The following TLE3 variants were observed in gnomAD, a reference collection of about 807,000 sequenced individuals.
TLE3 encodes TLE family member 3, transcriptional corepressor.
In TLE3, 14 loss-of-function variants were observed where a neutral mutation model predicts 93.0. That is an observed-to-expected ratio of 0.15 (90% CI 0.10 to 0.24). The LOEUF (loss-of-function observed/expected upper bound fraction) is 0.24, where lower values mean the gene tolerates loss of function less well. Among genes scored for constraint, TLE3 ranks in the 10% least tolerant of loss-of-function variants. TLE3 has a pLI of 1.00. For missense variants in TLE3, 693 were observed against 1,046.6 expected (o/e 0.66, Z 4.66); for synonymous variants, 451 against 425.0 (o/e 1.06, Z -0.75).
rs757857617 is a variant in TLE3, at chr15:70,058,813, G to A, written c.768C>T (p.Asp256=). ...DDLVVDVSNE[D]PATPRVSPAH... ...CCGGGCTGACCCGGGGCGTTGCGGG[G>A]TCCTGAAAACACAAGTGATGCAGAG... Residue 256 remains aspartate, a splice_region_variant and synonymous_variant, in exon 11 of 20, where the codon GAC becomes GAT. Transcript: ENST00000451782. The surrounding 1 kb of genome is among the most constrained non-coding windows in gnomAD (Gnocchi z 4.1). 5.1e-6 allele frequency: 8 copies of A among 1,573,290 alleles called. No individual in the cohort carries two copies. Among genetic ancestry groups the A allele is most frequent in the Admixed American group, 3.7e-5 (2 of 53,576 alleles).
intron 4 of TLE3, among the ~76,000 whole-genome samples, chr15:70,082,895 C>T (rs937229635): frequency 1.5e-4 from 23 of 152,174 alleles, no homozygotes; most frequent in African/African-American, 5.1e-4. Flanking sequence ...GGGGTTGGGA[C>T]GACCCTTCTG....
At chr15:70,083,955 G>T (rs930933976) in intron 4 of TLE3, among the ~76,000 whole-genome samples, 5 of 152,186 alleles carry the variant, frequency 3.3e-5, no homozygotes, top group African/African-American at 7.2e-5. Context: ...AAAATAAAAA[G>T]GGTTAGAGGG....
Position 70,048,431 on chromosome 15 carries a change from G to A in TLE3, c.*1666C>T, listed in dbSNP as rs556093838. The A allele has an allele frequency of 1.3e-5, 2 of 152,004 alleles. No individual in the cohort carries two copies. Among genetic ancestry groups the A allele is most frequent in the South Asian group, 2.1e-4 (1 of 4,822 alleles). The allele number at this position is 152,004 out of a possible 1,614,324, so 9.4% of individuals were successfully genotyped here. A position where few individuals can be genotyped will look rare whatever the true frequency, so the allele number is the denominator to read the frequency against. ...TCGCCAGCCTCCACATCCCATGCCC[G>A]GTGCGCTCAGCTGGGGAGCAACCTC... On this transcript the variant is annotated 3_prime_UTR_variant, in exon 20 of 20. Coordinates refer to ENST00000451782, the MANE Select transcript of TLE3 (RefSeq NM_001105192.3).
intron 16 of TLE3, chr15:70,054,133 TCTCTGGGG>T: frequency 3.4e-6 from 1 of 291,786 alleles, no homozygotes; most frequent in Admixed American, 4.8e-5. Context: ...CCTAATCTGG[TCTCTGGGG>T]CTCTGCTCCC....
intron 8 of TLE3, among the ~76,000 whole-genome samples, chr15:70,062,259 T>C (rs2056531300): frequency 6.6e-6 from 1 of 152,242 alleles, no homozygotes; most frequent in Non-Finnish European, 1.5e-5. Flanking sequence ...AATTAGCTGC[T>C]GCAATCGCCG....
chr15:70,073,243 T>C (rs557158159), intron 6 of TLE3, among the ~76,000 whole-genome samples: 21 of 152,226 alleles, frequency 1.4e-4, no homozygotes, highest in African/African-American at 4.3e-4. Flanking sequence ...CCGGTGTACG[T>C]TCTCCCTTTA....
rs200517303 is a variant in TLE3, at chr15:70,055,256, G to A, written c.1371C>T (p.Pro457=). 66 of 1,607,042 alleles carry A rather than the reference G, an allele frequency of 4.1e-5. No individual in the cohort carries two copies. In the African/African-American group the frequency reaches 6.1e-4, roughly 15 times the overall value. Reference sequence around the variant, plus strand: ...CCAGGGCGTCGTGGGGGAAGGGCACGGGCTGCATCTGCCCATCAGCACTCA... The same window carrying A: ...CCAGGGCGTCGTGGGGGAAGGGCACAGGCTGCATCTGCCCATCAGCACTCA... The part of the protein sequence containing the change: ...FHVSADGQMQ[P]VPFPHDALAG... The change falls in exon 15 of 20, where the codon CCC becomes CCT. Residue 457 remains proline (P), a synonymous_variant. Coordinates refer to ENST00000451782, the MANE Select transcript of TLE3 (RefSeq NM_001105192.3).
rs1387363155 is a variant in TLE3, at chr15:70,048,807, T to G, written c.*1290A>C. On this transcript the variant is annotated 3_prime_UTR_variant, in exon 20 of 20. Transcript: ENST00000451782. ...GAAATATCCACAGTGTGCCAGGATC[T>G]GTGTCCCCCTCTCCCACCCCCCAAC... 1 of 152,148 alleles carries G rather than the reference T, an allele frequency of 6.6e-6. No individual in the cohort carries two copies. Among genetic ancestry groups the G allele is most frequent in the Non-Finnish European group, 1.5e-5 (1 of 68,058 alleles). The allele number at this position is 152,148 out of a possible 1,614,324, so 9.4% of individuals were successfully genotyped here.
chr15:70,073,593 G>C (rs2057293711), intron 6 of TLE3, among the ~76,000 whole-genome samples: 1 of 152,220 alleles, frequency 6.6e-6, no homozygotes, highest in Non-Finnish European at 1.5e-5. Context: ...CTATGGAAAA[G>C]ACCTCTGGGG....
intron 6 of TLE3, among the ~76,000 whole-genome samples, chr15:70,069,098 G>C (rs1365217185): frequency 6.6e-6 from 1 of 152,230 alleles, no homozygotes; most frequent in Non-Finnish European, 1.5e-5. Flanking sequence ...TTGGCAACCT[G>C]TGAGTTCCAG....
chr15:70,050,285 T>C, intron 19 of TLE3, 81 bp from the exon 20 acceptor site: 1 of 1,074,646 alleles, frequency 9.3e-7, no homozygotes, highest in Admixed American at 1.7e-5. Context: ...TTTCCAGTGC[T>C]CAACACCATC....
At chr15:70,079,272 G>A (rs2057622008) in intron 4 of TLE3, 1 of 437,820 alleles carries the variant, frequency 2.3e-6, no homozygotes, top group Admixed American at 3.5e-5. Flanking sequence ...GTGGCATTCA[G>A]GCTGTCTTTC....
At chr15:70,060,767 T>G in intron 8 of TLE3, 118 bp from the exon 9 acceptor site, 1 of 1,523,794 alleles carries the variant, frequency 6.6e-7, no homozygotes, top group Non-Finnish European at 8.9e-7. Flanking sequence ...GAAGCTGAAC[T>G]CCTCTCTGCC....
rs547222445 is a variant in TLE3, at chr15:70,053,511, G to A, written c.1827-137C>T. On this transcript the variant is annotated intron_variant, in intron 16 of 19. Coordinates refer to ENST00000451782, the MANE Select transcript of TLE3 (RefSeq NM_001105192.3). ...CACTATGCGCATGGTCCCTTAGCGA[G>A]CTTGCAGCAAAGCTAGCCCCGGCCT... The A allele has an allele frequency of 2.3e-4, 232 of 1,020,880 alleles. 2 individuals carry two copies. In the South Asian group the frequency reaches 3.8e-3, roughly 17 times the overall value. 63.2% of individuals were successfully genotyped at this position (1,020,880 alleles called of 1,614,324 possible).
At chr15:70,066,877 C>T in intron 6 of TLE3, 1 of 341,258 alleles carries the variant, frequency 2.9e-6, no homozygotes, top group Non-Finnish European at 6.1e-6. Flanking sequence ...CCAGCTCTGG[C>T]ACTTCCTAGC....
At chr15:70,057,790 CCCAA>C in intron 12 of TLE3, 132 bp from the exon 13 acceptor site, 1 of 1,132,376 alleles carries the variant, frequency 8.8e-7, no homozygotes, top group Non-Finnish European at 1.2e-6. Flanking sequence ...ACTGAACCCA[CCCAA>C]GTGGGATCCC....
intron 19 of TLE3, 142 bp from the exon 20 acceptor site, chr15:70,050,346 A>C: frequency 1.5e-6 from 1 of 667,698 alleles, no homozygotes; most frequent in Middle Eastern, 3.8e-4. Context: ...TGATGCTCCG[A>C]CCTGGAGCAC....
intron 6 of TLE3, among the ~76,000 whole-genome samples, chr15:70,067,430 A>G (rs2056882098): frequency 6.6e-6 from 1 of 152,154 alleles, no homozygotes. Context: ...AGGGGGCTGG[A>G]GTAGGTAGCT....
chr15:70,063,942 G>A (rs1462965435), intron 8 of TLE3, among the ~76,000 whole-genome samples: 2 of 152,182 alleles, frequency 1.3e-5, no homozygotes, highest in Non-Finnish European at 2.9e-5. Context: ...TAGCAGGGGG[G>A]TGGTAAAAAC....
Sources: gnomAD v4.1 joint callset for allele counts (sites outside exome capture counted in the v4.1 genomes callset) on GRCh38, gnomAD v4.1.1 for gene constraint, Gnocchi (gnomAD v3.1) non-coding constraint, MANE v1.5 for transcripts, NCBI Gene and HGNC (gene_info 2026-07-23, HGNC 2026-07-21) for gene names.